The following ESRRG variants were observed in gnomAD, a reference collection of about 807,000 sequenced individuals.
The protein encoded by ESRRG is estrogen-related receptor gamma.
Under a neutral mutation model 44.0 loss-of-function variants are expected in ESRRG, and 13 were observed. The observed-to-expected ratio is 0.30, with a 90% CI of 0.19 to 0.47. The LOEUF (loss-of-function observed/expected upper bound fraction) is 0.47, where lower values mean the gene tolerates loss of function less well. ESRRG is among the 20% of genes least tolerant of loss of function. The pLI, the probability that ESRRG is intolerant of heterozygous loss-of-function variation, is 1.00. For synonymous variants in ESRRG, 215 were observed against 214.6 expected (o/e 1.00, Z -0.02); for missense variants, 395 against 580.6 (o/e 0.68, Z 3.29).
chr1:216,993,027 G>A (rs960735745), intron 1 of ESRRG, among the ~76,000 whole-genome samples: 3 of 152,084 alleles, frequency 2.0e-5, no homozygotes, highest in African/African-American at 7.2e-5. Flanking sequence ...TTGTTTACTA[G>A]GTTTAGCTCT....
At chr1:216,618,594 A>G (rs1215169655) in intron 3 of ESRRG, among the ~76,000 whole-genome samples, 1 of 152,226 alleles carries the variant, frequency 6.6e-6, no homozygotes, top group South Asian at 2.1e-4. Flanking sequence ...AATATTTGAC[A>G]GTATTTATGC....
chr1:217,056,985 T>A (rs2087243001), intron 1 of ESRRG, among the ~76,000 whole-genome samples: 1 of 152,070 alleles, frequency 6.6e-6, no homozygotes, highest in African/African-American at 2.4e-5. Context: ...AGGGGTTTTA[T>A]CCTCTTTACC....
Position 216,749,792 on chromosome 1 carries a change from T to G in ESRRG, c.-13-72301A>C, listed in dbSNP as rs553002017. Among the ~76,000 whole-genome samples, 61 of 152,308 alleles carry G rather than the reference T, an allele frequency of 4.0e-4. No homozygotes were observed. The South Asian group carries it at 0.013, about 32-fold the overall frequency. ...AACTAGATATTAATATCAGCATTTT[T>G]CTACCTAAGTTAGTCAAATGCTAAT... is the stretch of plus-strand genomic sequence containing the variant. On this transcript the variant is annotated intron_variant, in intron 2 of 7. Coordinates refer to the ESRRG transcript ENST00000359162.
At chr1:216,958,600 A>G (rs958170074) in intron 1 of ESRRG, among the ~76,000 whole-genome samples, 2 of 152,146 alleles carry the variant, frequency 1.3e-5, no homozygotes, top group Non-Finnish European at 2.9e-5. Context: ...TCTTTTGCCC[A>G]TTTTTAAAAA....
chr1:217,059,767 A>G (rs535216120), intron 1 of ESRRG, among the ~76,000 whole-genome samples: 1 of 152,194 alleles, frequency 6.6e-6, no homozygotes, highest in African/African-American at 2.4e-5. Context: ...GTGAGTACAT[A>G]ATATATACAA....
At chr1:217,048,083 C>T (rs1420739939) in intron 1 of ESRRG, among the ~76,000 whole-genome samples, 1 of 152,134 alleles carries the variant, frequency 6.6e-6, no homozygotes, top group Non-Finnish European at 1.5e-5. Flanking sequence ...AGGGTCCTCC[C>T]TAACTAGAGG....
chr1:216,525,910 C>G (rs938077729), intron 5 of ESRRG, among the ~76,000 whole-genome samples: 1 of 152,160 alleles, frequency 6.6e-6, no homozygotes, highest in African/African-American at 2.4e-5. Context: ...TATCTAAACA[C>G]TATCCTCTTC....
chr1:216,687,065 G>A (rs2078144958), intron 1 of ESRRG, among the ~76,000 whole-genome samples: 1 of 149,462 alleles, frequency 6.7e-6, no homozygotes, highest in Non-Finnish European at 1.5e-5. Context: ...GTGTGTGTGT[G>A]TGAAGTATAT....
In ESRRG at chr1:216,985,955, A is replaced by G. The variant is rs571559469; in HGVS notation, c.-105-46282T>C. 2.0e-5 allele frequency: 3 copies of G among 152,374 alleles called. No homozygotes were observed. The South Asian group carries it at 6.2e-4, about 32-fold the overall frequency. The allele number at this position is 152,374 out of a possible 1,614,324, so 9.4% of individuals were successfully genotyped here. ...ATAGGTAAAGACCATGACAACTTCT[A>G]AAACCATGATATGGGCAAAGATAGC... On this transcript the variant is annotated intron_variant, in intron 1 of 7. Coordinates refer to the ESRRG transcript ENST00000359162.
chr1:217,118,730 G>C (rs779905800), intron 1 of ESRRG, among the ~76,000 whole-genome samples: 1 of 152,094 alleles, frequency 6.6e-6, no homozygotes, highest in African/African-American at 2.4e-5. Flanking sequence ...GGTAGCTCTC[G>C]CCTGTAATCT....
At chr1:216,640,406 T>C (rs926188352) in intron 3 of ESRRG, among the ~76,000 whole-genome samples, 1 of 151,850 alleles carries the variant, frequency 6.6e-6, no homozygotes, top group Non-Finnish European at 1.5e-5. Flanking sequence ...TGATCAACCT[T>C]GGCCAAGCCA....
At chr1:217,086,818 G>A (rs1357534331) in intron 1 of ESRRG, among the ~76,000 whole-genome samples, 1 of 152,012 alleles carries the variant, frequency 6.6e-6, no homozygotes, top group East Asian at 1.9e-4. Context: ...TGACACCTTC[G>A]GTGTCTAATT....
intron 2 of ESRRG, among the ~76,000 whole-genome samples, chr1:216,892,009 G>A (rs544903546): frequency 6.6e-5 from 10 of 152,136 alleles, no homozygotes; most frequent in African/African-American, 2.4e-4. Context: ...GTTTCACTGT[G>A]TTGGCCAGGC....
intron 3 of ESRRG, among the ~76,000 whole-genome samples, chr1:216,571,454 C>A (rs897222747): frequency 6.6e-6 from 1 of 151,956 alleles, no homozygotes; most frequent in Non-Finnish European, 1.5e-5. Flanking sequence ...AAAAAACAAA[C>A]AAACAAACAA....
At chr1:216,809,130 A>G (rs537098070) in intron 2 of ESRRG, among the ~76,000 whole-genome samples, 220 of 152,212 alleles carry the variant, frequency 1.4e-3, no homozygotes, top group African/African-American at 5.1e-3. Flanking sequence ...TATTTTTCCA[A>G]CTATATCTTT....
intron 2 of ESRRG, among the ~76,000 whole-genome samples, chr1:216,672,405 G>A (rs553645127): frequency 1.3e-5 from 2 of 152,236 alleles, no homozygotes; most frequent in East Asian, 3.9e-4. Flanking sequence ...ATGATTAATT[G>A]TCTTTCACAA....
At chr1:216,749,266 A>G (rs896083171) in intron 2 of ESRRG, among the ~76,000 whole-genome samples, 1 of 152,040 alleles carries the variant, frequency 6.6e-6, no homozygotes, top group Non-Finnish European at 1.5e-5. Flanking sequence ...CCAATGACCA[A>G]TGCTCCCCAT....
At chr1:216,807,081 A>G (rs2094816565) in intron 2 of ESRRG, among the ~76,000 whole-genome samples, 1 of 152,196 alleles carries the variant, frequency 6.6e-6, no homozygotes, top group Non-Finnish European at 1.5e-5. Flanking sequence ...AGTAGCTACC[A>G]TCAGTAACTG....
chr1:216,668,053 C>T (rs536306947), intron 2 of ESRRG, among the ~76,000 whole-genome samples: 6 of 151,914 alleles, frequency 3.9e-5, no homozygotes, highest in Admixed American at 3.9e-4. Context: ...GCCAAGATCA[C>T]ACCATTGCAC....
Sources: gnomAD v4.1 joint callset for allele counts (sites outside exome capture counted in the v4.1 genomes callset) on GRCh38, gnomAD v4.1.1 for gene constraint, MANE v1.5 for transcripts, NCBI Gene and HGNC (gene_info 2026-07-23, HGNC 2026-07-21) for gene names.